Variants in EHBP1 observed in about 807,000 individuals in gnomAD.
The protein encoded by EHBP1 is EH domain binding protein 1, also known as EH domain-binding protein 1.
EHBP1 carries 55 observed loss-of-function variants against 144.0 expected under a neutral mutation model. The observed-to-expected ratio is 0.38, with a 90% CI of 0.31 to 0.48. The LOEUF is 0.48. Among genes scored for constraint, EHBP1 ranks in the 20% least tolerant of loss-of-function variants. EHBP1 has a pLI of 0.98. For synonymous variants in EHBP1, 469 were observed against 472.7 expected (o/e 0.99, Z 0.10); for missense variants, 1,200 against 1,364.2 (o/e 0.88, Z 1.90).
chr2:62,784,551 A>C (rs2042677656), intron 5 of EHBP1, among the ~76,000 whole-genome samples: 1 of 152,198 alleles, frequency 6.6e-6, no homozygotes, highest in African/African-American at 2.4e-5. Flanking sequence ...AGGAGTACTC[A>C]TATCTATCAG....
intron 2 of EHBP1, among the ~76,000 whole-genome samples, chr2:62,726,157 C>T (rs2036770025): frequency 6.6e-6 from 1 of 152,194 alleles, no homozygotes; most frequent in Non-Finnish European, 1.5e-5. Flanking sequence ...TGCCCTATTA[C>T]AGATGCTCCT....
intron 5 of EHBP1, among the ~76,000 whole-genome samples, chr2:62,802,159 G>A (rs540124982): frequency 4.6e-5 from 7 of 152,218 alleles, no homozygotes; most frequent in Admixed American, 1.3e-4. Context: ...CTCTGGCTGA[G>A]GAACTTTTTA....
intron 19 of EHBP1, among the ~76,000 whole-genome samples, chr2:63,030,632 C>T (rs568508329): frequency 1.7e-3 from 258 of 151,798 alleles, no homozygotes; most frequent in Non-Finnish European, 3.0e-3. Flanking sequence ...GGACTACAGG[C>T]GCCCACCACC....
At chr2:62,785,032 T>A (rs547084369) in intron 5 of EHBP1, among the ~76,000 whole-genome samples, 10 of 152,020 alleles carry the variant, frequency 6.6e-5, no homozygotes, top group African/African-American at 1.9e-4. Flanking sequence ...CCTTTCAAAC[T>A]TTTTTTTACT....
intron 21 of EHBP1, chr2:63,044,574 C>G (rs866217163): frequency 1.3e-5 from 2 of 151,872 alleles, no homozygotes; most frequent in African/African-American, 2.4e-5. Flanking sequence ...TAAAATAGAG[C>G]GAAGAGGAAA....
At chr2:63,043,693 G>C (rs2061776718) in intron 21 of EHBP1, among the ~76,000 whole-genome samples, 1 of 151,988 alleles carries the variant, frequency 6.6e-6, no homozygotes. Context: ...GGGGGTCGGG[G>C]GGGATTTGAA....
chr2:62,789,505 A>G (rs1414605140), intron 5 of EHBP1, among the ~76,000 whole-genome samples: 1 of 152,168 alleles, frequency 6.6e-6, no homozygotes, highest in East Asian at 1.9e-4. Context: ...ACAGAATGTT[A>G]TAAAGGACGG....
intron 10 of EHBP1, among the ~76,000 whole-genome samples, chr2:62,912,164 A>G (rs993480830): frequency 6.6e-6 from 1 of 152,206 alleles, no homozygotes; most frequent in Admixed American, 6.6e-5. Flanking sequence ...TAGCTTTTCA[A>G]GATAGTCATC....
chr2:62,744,534 C>T (rs2038981165), intron 2 of EHBP1, among the ~76,000 whole-genome samples: 1 of 151,966 alleles, frequency 6.6e-6, no homozygotes, highest in African/African-American at 2.4e-5. Context: ...TCAGTTTGTT[C>T]CCGATAATTA....
intron 19 of EHBP1, among the ~76,000 whole-genome samples, chr2:63,035,851 C>T (rs188656285): frequency 6.6e-6 from 1 of 151,906 alleles, no homozygotes; most frequent in Non-Finnish European, 1.5e-5. Flanking sequence ...TTGTGCCTAT[C>T]GCAGCCTATA....
intron 10 of EHBP1, among the ~76,000 whole-genome samples, chr2:62,888,274 C>G (rs1180890054): frequency 1.3e-5 from 2 of 152,222 alleles, no homozygotes; most frequent in Non-Finnish European, 2.9e-5. Flanking sequence ...AACTCACTTA[C>G]AGGCCCTTGT....
intron 10 of EHBP1, among the ~76,000 whole-genome samples, chr2:62,920,787 C>T (rs548919813): frequency 5.9e-5 from 9 of 152,056 alleles, no homozygotes; most frequent in South Asian, 4.2e-4. Context: ...CTCAGCCTTC[C>T]GAGTAGCTGC....
At chr2:62,967,644 C>A (rs1393284095) in intron 14 of EHBP1, among the ~76,000 whole-genome samples, 1 of 152,120 alleles carries the variant, frequency 6.6e-6, no homozygotes, top group East Asian at 1.9e-4. Flanking sequence ...GGAGGAAAAT[C>A]TTTCAAGTAC....
intron 15 of EHBP1, among the ~76,000 whole-genome samples, chr2:62,988,788 T>C (rs2059298180): frequency 6.6e-6 from 1 of 152,152 alleles, no homozygotes; most frequent in African/African-American, 2.4e-5. Flanking sequence ...TCTTTGGTGA[T>C]TTCTTTAGAC....
At chr2:63,020,376 G>A (rs183832967) in intron 19 of EHBP1, among the ~76,000 whole-genome samples, 49 of 148,828 alleles carry the variant, frequency 3.3e-4, no homozygotes, top group Admixed American at 2.1e-3. Flanking sequence ...GGTGGCAGGC[G>A]CCTATAATCC....
intron 2 of EHBP1, among the ~76,000 whole-genome samples, chr2:62,740,502 T>TA (rs2038602146): frequency 6.6e-6 from 1 of 152,168 alleles, no homozygotes; most frequent in African/African-American, 2.4e-5. Context: ...AAAGTAAAGT[T>TA]AGAGTATTTC....
chr2:63,028,964 T>G (rs1459103147), intron 19 of EHBP1, among the ~76,000 whole-genome samples: 1 of 152,214 alleles, frequency 6.6e-6, no homozygotes, highest in Non-Finnish European at 1.5e-5. Flanking sequence ...ATTATATCAA[T>G]TTGTACTTCA....
intron 3 of EHBP1, among the ~76,000 whole-genome samples, chr2:62,750,133 T>C (rs1558602457): frequency 6.6e-6 from 1 of 152,224 alleles, no homozygotes; most frequent in African/African-American, 2.4e-5. Flanking sequence ...CATTTAAGTC[T>C]TTAATCCATC....
intron 16 of EHBP1, 116 bp downstream of exon 16, chr2:62,990,956 G>C: frequency 1.5e-6 from 2 of 1,310,098 alleles, no homozygotes; most frequent in Non-Finnish European, 2.1e-6. Context: ...ATTAAGATTA[G>C]GGTATAAGAA....
Sources: allele counts gnomAD v4.1 joint callset (sites outside exome capture counted in the v4.1 genomes callset), GRCh38; gene constraint gnomAD v4.1.1; transcripts MANE v1.5; gene names NCBI Gene and HGNC (gene_info 2026-07-23, HGNC 2026-07-21).